Variants in KCNJ15 observed in about 807,000 individuals in gnomAD.
KCNJ15 encodes ATP-sensitive inward rectifier potassium channel 15.
KCNJ15 carries 14 observed loss-of-function variants against 23.0 expected under a neutral mutation model. That is an observed-to-expected ratio of 0.61 (90% confidence interval 0.40 to 0.95). The LOEUF (loss-of-function observed/expected upper bound fraction) is 0.95, where lower values mean the gene tolerates loss of function less well. Ranked by LOEUF, KCNJ15 falls within the 40% of genes least tolerant of loss-of-function variation. The pLI is 0.00. For synonymous variants in KCNJ15, 185 were observed against 183.2 expected, an observed-to-expected ratio of 1.01 and a Z score of -0.08; for missense variants, 388 against 461.8, an observed-to-expected ratio of 0.84 and a Z score of 1.46.
At chr21:38,249,338 A>T (rs928348114) in intron 1 of KCNJ15, among the ~76,000 whole-genome samples, 1 of 152,186 alleles carries the variant, frequency 6.6e-6, no homozygotes, top group Non-Finnish European at 1.5e-5. Flanking sequence ...CTGATTGATA[A>T]ATGGTAAGGC....
chr21:38,248,361 C>T (rs912751434), intron 1 of KCNJ15, among the ~76,000 whole-genome samples: 3 of 152,210 alleles, frequency 2.0e-5, no homozygotes, highest in African/African-American at 7.2e-5. Flanking sequence ...AACTTTATAG[C>T]TTATCAGTAC....
At chr21:38,294,833 C>T (rs1984979242) in intron 1 of KCNJ15, among the ~76,000 whole-genome samples, 1 of 152,186 alleles carries the variant, frequency 6.6e-6, no homozygotes, top group African/African-American at 2.4e-5. Flanking sequence ...TCAGTGACCT[C>T]AGACCATTAA....
intron 1 of KCNJ15, chr21:38,267,259 C>T (rs1251411192): frequency 6.6e-6 from 1 of 152,108 alleles, no homozygotes; most frequent in African/African-American, 2.4e-5. Flanking sequence ...AATATGCCTT[C>T]AGTTTTGGAT....
intron 1 of KCNJ15, among the ~76,000 whole-genome samples, chr21:38,280,741 GCT>G (rs1373171048): frequency 2.6e-5 from 4 of 152,086 alleles, no homozygotes; most frequent in African/African-American, 9.7e-5. Context: ...TCATCTAGTG[GCT>G]TTGAACTTTC....
rs1000480793 is a variant in KCNJ15 at position 38,258,610 on chromosome 21, C to T, written c.-117+1425C>T. On this transcript the variant is annotated intron_variant, in intron 1 of 2. Coordinates refer to ENST00000398938, the MANE Select transcript of KCNJ15 (RefSeq NM_170736.3). ...CATGTCAGAAACGCTCATCAAATAA[C>T]GGAACAGACCTTTCTTCACTGAATT... is the stretch of plus-strand genomic sequence containing the variant. Among the ~76,000 whole-genome samples the T allele has an allele frequency of 3.9e-5, 6 of 152,342 alleles. No homozygotes were observed. The South Asian group carries it at 6.2e-4, about 16-fold the overall frequency.
chr21:38,283,828 C>T (rs1325981816), intron 1 of KCNJ15, among the ~76,000 whole-genome samples: 1 of 94,144 alleles, frequency 1.1e-5, no homozygotes, highest in South Asian at 4.2e-4. Flanking sequence ...TTAAAATTTT[C>T]GGTAATTTGA....
At chr21:38,282,382 G>T (rs1186352540) in intron 1 of KCNJ15, among the ~76,000 whole-genome samples, 4 of 152,120 alleles carry the variant, frequency 2.6e-5, no homozygotes, top group South Asian at 2.1e-4. Flanking sequence ...GAAGTAATTT[G>T]TTGGATGAAA....
chr21:38,293,889 C>A (rs1252253529), intron 1 of KCNJ15, among the ~76,000 whole-genome samples: 2 of 152,210 alleles, frequency 1.3e-5, no homozygotes, highest in Non-Finnish European at 2.9e-5. Context: ...GTGCCCTTGG[C>A]TGGTATGGAT....
chr21:38,277,496 G>T (rs1237360128), intron 1 of KCNJ15, among the ~76,000 whole-genome samples: 1 of 152,192 alleles, frequency 6.6e-6, no homozygotes, highest in South Asian at 2.1e-4. Context: ...AGTAACTGCA[G>T]AAATAATTAA....
intron 1 of KCNJ15, among the ~76,000 whole-genome samples, chr21:38,283,232 A>G (rs1983543175): frequency 1.3e-5 from 2 of 152,242 alleles, no homozygotes; most frequent in Admixed American, 6.5e-5. Context: ...AGTACTTCTC[A>G]TTTACAGTAA....
rs900423470 is a variant in KCNJ15, at chr21:38,303,169, T to G, written c.*2780T>G. The G allele has an allele frequency of 2.0e-5, 3 of 152,076 alleles. No individual in the cohort carries two copies. The highest frequency in any genetic ancestry group is 7.2e-5 in the African/African-American group (3 of 41,528). 9.4% of individuals were successfully genotyped at this position (152,076 alleles called of 1,614,324 possible). On this transcript the variant is annotated 3_prime_UTR_variant, in exon 3 of 3. Coordinates refer to ENST00000398938, the MANE Select transcript of KCNJ15 (RefSeq NM_170736.3). ...TCCTGGAACCTTAACTATTATTACT[T>G]TGTACGTAATACTTTCATGTTACTA...
intron 1 of KCNJ15, among the ~76,000 whole-genome samples, chr21:38,234,754 G>A (rs1601114600): frequency 6.6e-6 from 1 of 152,320 alleles, no homozygotes; most frequent in Non-Finnish European, 1.5e-5. Context: ...ATGAGTTTAT[G>A]CATAAAGACA....
intron 1 of KCNJ15, among the ~76,000 whole-genome samples, chr21:38,292,899 G>A (rs1271125720): frequency 1.3e-5 from 2 of 150,956 alleles, no homozygotes; most frequent in East Asian, 1.9e-4. Context: ...AACCCAGGAG[G>A]CAGAGATTGC....
chr21:38,270,368 T>C (rs946294587), intron 1 of KCNJ15, among the ~76,000 whole-genome samples: 2 of 152,162 alleles, frequency 1.3e-5, no homozygotes. Context: ...GCTGAGTGCA[T>C]GCAGCTCAGC....
chr21:38,296,520 A>G (rs894681078), intron 1 of KCNJ15: 3 of 152,270 alleles, frequency 2.0e-5, no homozygotes, highest in Non-Finnish European at 4.4e-5. Flanking sequence ...CTAATGTCCT[A>G]TGACTCAACA....
At chr21:38,247,839 C>G (rs11701081) in intron 1 of KCNJ15, among the ~76,000 whole-genome samples, 4,475 of 152,180 alleles carry the variant, frequency 0.029, 82 homozygotes, top group Non-Finnish European at 0.037. Flanking sequence ...AAGAAGCTTC[C>G]CATCACCTGT....
At chr21:38,274,858 C>A (rs1364870050) in intron 1 of KCNJ15, among the ~76,000 whole-genome samples, 1 of 152,162 alleles carries the variant, frequency 6.6e-6, no homozygotes, top group Non-Finnish European at 1.5e-5. Context: ...TCTAAGATTG[C>A]CCCTTCAGTT....
In KCNJ15 at chr21:38,264,691, G is replaced by A. The variant is rs544358532; in HGVS notation, c.-117+7506G>A. Among the ~76,000 whole-genome samples, 8 of 152,312 alleles carry A rather than the reference G, an allele frequency of 5.3e-5. No homozygotes were observed. The South Asian group carries it at 8.3e-4, about 16-fold the overall frequency. ...AAGTCTTTTGAAAATATGTGTATGT[G>A]AAAATGGCTAACTGGTGTGTTCTCT... On this transcript the variant is annotated intron_variant, in intron 1 of 2. Coordinates refer to ENST00000398938, the MANE Select transcript of KCNJ15 (RefSeq NM_170736.3).
Position 38,299,795 on chromosome 21 carries a change from C to T in KCNJ15, c.534C>T (p.Ile178=). 6.2e-7 allele frequency: 1 copy of T among 1,614,118 alleles called. No individual in the cohort carries two copies. Among genetic ancestry groups the T allele is most frequent in the Non-Finnish European group, 8.5e-7 (1 of 1,180,026 alleles). The change falls in exon 3 of 3, where the codon ATC becomes ATT. Residue 178 remains isoleucine, a synonymous_variant. Coordinates refer to ENST00000398938, the MANE Select transcript of KCNJ15 (RefSeq NM_170736.3). This position sits in a 1 kb window ranked among gnomAD's most constrained non-coding sequence, Gnocchi z 4.5. ...IARPKKRAET[I]KFSHCAVITK... is the part of the protein sequence containing the mutation. ...GACCCAAAAAGCGGGCTGAGACCAT[C>T]AAGTTCAGCCACTGTGCAGTCATCA...
Sources: allele counts gnomAD v4.1 joint callset (sites outside exome capture counted in the v4.1 genomes callset), GRCh38; gene constraint gnomAD v4.1.1; non-coding constraint Gnocchi (gnomAD v3.1); transcripts MANE v1.5; gene names NCBI Gene and HGNC (gene_info 2026-07-23, HGNC 2026-07-21).